SLC25A13: variants seen among roughly 807,000 people sequenced by gnomAD.
The protein encoded by SLC25A13 is electrogenic aspartate/glutamate antiporter SLC25A13, mitochondrial.
SLC25A13 carries 70 observed loss-of-function variants against 85.5 expected under a neutral mutation model. The ratio of observed to expected loss-of-function variants is 0.82; its 90% CI spans 0.68 to 1.00. SLC25A13 has a LOEUF of 1.00. Ranked by LOEUF, SLC25A13 falls within the 50% of genes least tolerant of loss-of-function variation. The pLI, the probability that SLC25A13 is intolerant of heterozygous loss-of-function variation, is 0.00. For synonymous variants in SLC25A13, 259 were observed against 288.7 expected (o/e 0.90, Z 1.04); for missense variants, 765 against 819.8 (o/e 0.93, Z 0.82).
At chr7:96,216,173 A>T (rs1386773673) in intron 4 of SLC25A13, among the ~76,000 whole-genome samples, 1 of 152,034 alleles carries the variant, frequency 6.6e-6, no homozygotes, top group Non-Finnish European at 1.5e-5. Flanking sequence ...AAAAAAAAGA[A>T]AAAAAGAAAG....
intron 4 of SLC25A13, among the ~76,000 whole-genome samples, chr7:96,216,461 C>A (rs1475819945): frequency 6.6e-6 from 1 of 152,110 alleles, no homozygotes; most frequent in Non-Finnish European, 1.5e-5. Flanking sequence ...ACATTCACTG[C>A]AGCACTATTC....
chr7:96,279,568 G>A lies in SLC25A13; in HGVS notation c.70-2230C>T, dbSNP rs567547725. ...TCTCATGAGACTTATTCACTACTAC[G>A]AGAACAGTATGAGGGAAACCACCCC... On this transcript the variant is annotated intron_variant, in intron 2 of 17. Transcript: ENST00000265631. Among the ~76,000 whole-genome samples the A allele has an allele frequency of 5.9e-5, 9 of 152,130 alleles. No homozygotes were observed. In the East Asian group the frequency reaches 9.7e-4, roughly 16 times the overall value.
chr7:96,302,140 T>C (rs1049850135), intron 1 of SLC25A13, among the ~76,000 whole-genome samples: 2 of 152,190 alleles, frequency 1.3e-5, no homozygotes, highest in Non-Finnish European at 2.9e-5. Context: ...CAATAGCGTT[T>C]GCAAAACACA....
intron 13 of SLC25A13, chr7:96,166,878 G>A (rs1300140283): frequency 6.6e-6 from 1 of 151,630 alleles, no homozygotes; most frequent in Non-Finnish European, 1.5e-5. Context: ...ATCCAAGAAG[G>A]GAAAAGATGG....
chr7:96,291,265 G>T (rs1799107966), intron 2 of SLC25A13, among the ~76,000 whole-genome samples: 1 of 152,156 alleles, frequency 6.6e-6, no homozygotes, highest in Non-Finnish European at 1.5e-5. Flanking sequence ...GAATCTCTGG[G>T]ACACATTTAA....
intron 5 of SLC25A13, among the ~76,000 whole-genome samples, chr7:96,196,697 T>C (rs900336422): frequency 3.3e-5 from 5 of 152,196 alleles, no homozygotes; most frequent in African/African-American, 9.6e-5. Flanking sequence ...GCATTATAAG[T>C]TCCACAGAAG....
chr7:96,136,802 G>A (rs1365398586), intron 14 of SLC25A13, among the ~76,000 whole-genome samples: 2 of 152,132 alleles, frequency 1.3e-5, no homozygotes, highest in African/African-American at 2.4e-5. Context: ...TCTGGGAGAC[G>A]GAGGCTTAAC....
Position 96,208,008 on chromosome 7 carries a change from G to T in SLC25A13, c.468+830C>A, listed in dbSNP as rs532361820. On this transcript the variant is annotated intron_variant, in intron 5 of 17. Transcript: ENST00000265631. ...CCCCCATTAAATCTAATCTCTAGAG[G>T]TGGGACTGAGGCAACATTAGTTTTT... 4.6e-5 allele frequency among the ~76,000 whole-genome samples: 7 copies of T among 152,298 alleles called. No individual in the cohort carries two copies. In the East Asian group the frequency reaches 9.7e-4, roughly 21 times the overall value.
chr7:96,278,669 C>A (rs1798551462), intron 2 of SLC25A13, among the ~76,000 whole-genome samples: 1 of 152,156 alleles, frequency 6.6e-6, no homozygotes, highest in South Asian at 2.1e-4. Context: ...GCCCTATACA[C>A]AATAAGTACT....
chr7:96,181,997 G>A (rs905592470), intron 11 of SLC25A13, among the ~76,000 whole-genome samples: 2 of 152,152 alleles, frequency 1.3e-5, no homozygotes, highest in East Asian at 1.9e-4. Context: ...AATATGTCAG[G>A]TCTTTTTTAC....
chr7:96,124,691 C>G (rs891842196), intron 15 of SLC25A13, among the ~76,000 whole-genome samples: 2 of 152,138 alleles, frequency 1.3e-5, no homozygotes, highest in African/African-American at 4.8e-5. Context: ...TCTTTCAAAA[C>G]TCATCTTAAA....
intron 3 of SLC25A13, among the ~76,000 whole-genome samples, chr7:96,272,094 G>T (rs1396684680): frequency 6.6e-6 from 1 of 152,076 alleles, no homozygotes; most frequent in Non-Finnish European, 1.5e-5. Flanking sequence ...CACCATGTTG[G>T]CCAGGCTGGT....
intron 9 of SLC25A13, among the ~76,000 whole-genome samples, chr7:96,188,137 C>G (rs1008350306): frequency 6.6e-6 from 1 of 152,180 alleles, no homozygotes; most frequent in Non-Finnish European, 1.5e-5. Flanking sequence ...GGCATACAGA[C>G]GAAGAGATAA....
At chr7:96,159,725 C>T (rs1192636518) in intron 13 of SLC25A13, among the ~76,000 whole-genome samples, 2 of 151,738 alleles carry the variant, frequency 1.3e-5, no homozygotes, top group Non-Finnish European at 2.9e-5. Context: ...GAAAATAAAA[C>T]TCTTAAGTGA....
At chr7:96,135,484 T>C (rs1792241273) in intron 14 of SLC25A13, among the ~76,000 whole-genome samples, 1 of 152,230 alleles carries the variant, frequency 6.6e-6, no homozygotes, top group South Asian at 2.1e-4. Context: ...CTGTTGCTCT[T>C]GCACAATGAA....
At chr7:96,270,158 T>C (rs1027268358) in intron 3 of SLC25A13, among the ~76,000 whole-genome samples, 1 of 152,254 alleles carries the variant, frequency 6.6e-6, no homozygotes, top group Non-Finnish European at 1.5e-5. Context: ...TATCAGGTAA[T>C]GGACATGCTA....
chr7:96,243,921 G>A (rs1244439098), intron 3 of SLC25A13, among the ~76,000 whole-genome samples: 1 of 152,126 alleles, frequency 6.6e-6, no homozygotes, highest in Non-Finnish European at 1.5e-5. Context: ...CTGTTGAAGG[G>A]TTTTATGCAG....
rs1366773069 is a variant in SLC25A13 at position 96,171,350 on chromosome 7, C to T, written c.1230+122G>A. 6.1e-5 allele frequency: 52 copies of T among 854,330 alleles called. No individual in the cohort carries two copies. The Admixed American group carries it at 9.5e-4, about 16-fold the overall frequency. The allele number at this position is 854,330 out of a possible 1,614,324, so 52.9% of individuals were successfully genotyped here. A position where few individuals can be genotyped will look rare whatever the true frequency, so the allele number is the denominator to read the frequency against. On this transcript the variant is annotated intron_variant, in intron 12 of 17. Coordinates refer to ENST00000265631, the MANE Select transcript of SLC25A13 (RefSeq NM_014251.3). The stretch of plus-strand genomic sequence containing the variant: ...GAAAAAATGTGTGTGGTGAGTTCCC[C>T]TGCTTTCAAATTAGCTAGCACCTCT...
chr7:96,248,795 A>C (rs528316364), intron 3 of SLC25A13, among the ~76,000 whole-genome samples: 1 of 152,348 alleles, frequency 6.6e-6, no homozygotes, highest in South Asian at 2.1e-4. Flanking sequence ...AAGGATAAAT[A>C]AATCTTTAAG....
Sources: allele counts gnomAD v4.1 joint callset (sites outside exome capture counted in the v4.1 genomes callset), GRCh38; gene constraint gnomAD v4.1.1; transcripts MANE v1.5; gene names NCBI Gene and HGNC (gene_info 2026-07-23, HGNC 2026-07-21).